ARHGAP19: variants seen among roughly 807,000 people sequenced by gnomAD.
ARHGAP19 encodes rho GTPase-activating protein 19.
ARHGAP19 carries 48 observed loss-of-function variants against 60.9 expected under a neutral mutation model. The ratio of observed to expected loss-of-function variants is 0.79; its 90% CI spans 0.62 to 1.00. The LOEUF (loss-of-function observed/expected upper bound fraction) is 1.00. Ranked by LOEUF, ARHGAP19 falls within the 50% of genes least tolerant of loss-of-function variation. The probability of loss-of-function intolerance (pLI) is 0.00; values close to 1 mark genes in which losing one functional copy is unlikely to be tolerated. For missense variants in ARHGAP19, 562 were observed against 597.2 expected, an observed-to-expected ratio of 0.94 and a Z score of 0.61; for synonymous variants, 209 against 215.5, an observed-to-expected ratio of 0.97 and a Z score of 0.27.
At chr10:97,292,237 G>T (rs997233973) in intron 1 of ARHGAP19, among the ~76,000 whole-genome samples, 2 of 152,252 alleles carry the variant, frequency 1.3e-5, no homozygotes, top group Admixed American at 6.5e-5. Flanking sequence ...CAACAGTGAG[G>T]AATTCGCTAA....
Position 97,244,123 on chromosome 10 carries a change from A to G in ARHGAP19, c.1030T>C (p.Ser344Pro). 1.9e-6 allele frequency: 3 copies of G among 1,613,692 alleles called. No homozygotes were observed. Among genetic ancestry groups the G allele is most frequent in the Non-Finnish European group, 2.5e-6 (3 of 1,179,870 alleles). ...LDLIASCHTK[S>P]FQLAKSQKRN... The stretch of plus-strand genomic sequence containing the variant: ...TTCTGAGACTTTGCCAGCTGAAAGG[A>G]CTTAGTATGACATGAAGCTATGAGG... Residue 344 changes from serine to proline, a missense_variant, in exon 8 of 12, where the codon TCC becomes CCC. Ser to Pro is a moderately conservative substitution (Grantham distance 74, BLOSUM62 -1). Transcript: ENST00000358531.
At position 97,223,573 on chromosome 10, in the gene ARHGAP19, A is replaced by C. The variant is rs951419912; in HGVS notation, c.*2549T>G. 6.6e-6 allele frequency: 1 copy of C among 152,220 alleles called. No homozygotes were observed. The highest frequency in any genetic ancestry group is 2.4e-5 in the African/African-American group (1 of 41,442). The allele number at this position is 152,220 out of a possible 1,614,324, so 9.4% of individuals were successfully genotyped here. On this transcript the variant is annotated 3_prime_UTR_variant, in exon 12 of 12. Coordinates refer to ENST00000358531, the MANE Select transcript of ARHGAP19 (RefSeq NM_032900.6). ...CCCATCACAGGTGACCCCAGAAAGA[A>C]ATGAAGTTGTAAAAGCCACAAGAAG... is the stretch of plus-strand genomic sequence containing the variant.
Position 97,270,371 on chromosome 10 carries a change from C to T in ARHGAP19, c.57-4246G>A, listed in dbSNP as rs139634379. 1.7e-4 allele frequency among the ~76,000 whole-genome samples: 26 copies of T among 152,254 alleles called. 1 individual carries two copies. The highest frequency in any genetic ancestry group is 1.4e-3 in the South Asian group (7 of 4,828). ...GATGAAAGATGGAAAAGAGTTACAG[C>T]GGGTTATTTTTCTTAAAGTTATTCC... On this transcript the variant is annotated intron_variant, in intron 1 of 11. Transcript: ENST00000358531.
chr10:97,285,067 G>A (rs939295737), intron 1 of ARHGAP19, among the ~76,000 whole-genome samples: 2 of 151,566 alleles, frequency 1.3e-5, no homozygotes, highest in Non-Finnish European at 2.9e-5. Context: ...GTTTCACCAT[G>A]CTGGCCAGGC....
intron 8 of ARHGAP19, among the ~76,000 whole-genome samples, chr10:97,238,239 TC>T (rs1180735228): frequency 3.9e-5 from 6 of 152,192 alleles, no homozygotes; most frequent in African/African-American, 1.2e-4. Context: ...GGGGTCTCGC[TC>T]TGTTGCCCAG....
chr10:97,284,409 C>T (rs905768290), intron 1 of ARHGAP19, among the ~76,000 whole-genome samples: 2 of 152,102 alleles, frequency 1.3e-5, no homozygotes, highest in Non-Finnish European at 2.9e-5. Context: ...AGGCGTGAGA[C>T]ACTCAGACCA....
chr10:97,246,085 T>C (rs549473179), intron 7 of ARHGAP19, among the ~76,000 whole-genome samples, 187 bp downstream of exon 7: 47 of 152,322 alleles, frequency 3.1e-4, no homozygotes, highest in African/African-American at 1.1e-3. Context: ...ATGTGGAGCA[T>C]TTGTATTCTA....
chr10:97,292,388 T>C (rs965891237), intron 1 of ARHGAP19, among the ~76,000 whole-genome samples, 184 bp downstream of exon 1: 3 of 152,290 alleles, frequency 2.0e-5, no homozygotes, highest in East Asian at 3.9e-4. Flanking sequence ...AGCGGGGGGT[T>C]TGGCTGGAGT....
intron 8 of ARHGAP19, among the ~76,000 whole-genome samples, chr10:97,243,540 T>C (rs1352108497): frequency 1.3e-5 from 2 of 152,220 alleles, no homozygotes; most frequent in African/African-American, 2.4e-5. Context: ...CCACTTAGAC[T>C]TTGCTATGCC....
chr10:97,277,742 G>A (rs945264402), intron 1 of ARHGAP19: 1 of 152,218 alleles, frequency 6.6e-6, no homozygotes, highest in African/African-American at 2.4e-5. Context: ...TGGTGAACAG[G>A]ACAGACTTCT....
intron 1 of ARHGAP19, among the ~76,000 whole-genome samples, chr10:97,283,850 AC>A (rs1259117325): frequency 6.7e-6 from 1 of 149,088 alleles, no homozygotes; most frequent in Non-Finnish European, 1.5e-5. Context: ...AAAAAAAAAA[AC>A]TGTCTCAATA....
chr10:97,261,409 A>G (rs982802961), intron 4 of ARHGAP19, among the ~76,000 whole-genome samples: 17 of 152,234 alleles, frequency 1.1e-4, no homozygotes, highest in African/African-American at 3.9e-4. Context: ...AAGAACAGTC[A>G]ATCACAGGGT....
rs186074550 is a variant in ARHGAP19, at chr10:97,226,597, T to G, written c.1475-465A>C. The stretch of plus-strand genomic sequence containing the variant: ...CACTCAATGTTTACTAAAAGCCGAC[T>G]CAGCACAAGGCACTGTCATTTTTCG... On this transcript the variant is annotated intron_variant, in intron 11 of 11. Transcript: ENST00000358531. Among the ~76,000 whole-genome samples the G allele has an allele frequency of 4.5e-3, 688 of 152,276 alleles. 1 individual carries two copies. Among genetic ancestry groups the G allele is most frequent in the Non-Finnish European group, 7.6e-3 (518 of 68,018 alleles).
Position 97,262,390 on chromosome 10 carries a change from G to C in ARHGAP19, c.613+1030C>G, listed in dbSNP as rs190171061. Among the ~76,000 whole-genome samples, 203 of 152,090 alleles carry C rather than the reference G, an allele frequency of 1.3e-3. 2 individuals carry two copies. The highest frequency in any genetic ancestry group is 4.7e-3 in the African/African-American group (196 of 41,506). ...TAAAAAAAATAAATTTCCTTGGCTG[G>C]GCACAGTGGCTCACATCTGTAATCC... is the stretch of plus-strand genomic sequence containing the variant. On this transcript the variant is annotated intron_variant, in intron 4 of 11. Transcript: ENST00000358531.
At chr10:97,240,817 G>A (rs897278524) in intron 8 of ARHGAP19, among the ~76,000 whole-genome samples, 20 of 152,028 alleles carry the variant, frequency 1.3e-4, no homozygotes, top group Admixed American at 2.6e-4. Context: ...TTAAGTAAAC[G>A]AAAACAATGT....
At chr10:97,246,539 C>T (rs757339660) in intron 6 of ARHGAP19, among the ~76,000 whole-genome samples, 12 of 152,150 alleles carry the variant, frequency 7.9e-5, no homozygotes, top group Non-Finnish European at 1.5e-4. Flanking sequence ...GATGGAAAAA[C>T]TGTGAGAAGA....
intron 1 of ARHGAP19, among the ~76,000 whole-genome samples, chr10:97,274,428 G>A (rs905084887): frequency 6.6e-6 from 1 of 151,348 alleles, no homozygotes; most frequent in Admixed American, 6.6e-5. Flanking sequence ...TTGCGCCACT[G>A]TACTCTAGCC....
At chr10:97,283,071 G>C (rs1376004328) in intron 1 of ARHGAP19, among the ~76,000 whole-genome samples, 1 of 151,084 alleles carries the variant, frequency 6.6e-6, no homozygotes, top group Non-Finnish European at 1.5e-5. Flanking sequence ...TTGAACTCCT[G>C]ACCTCAGGCA....
intron 7 of ARHGAP19, among the ~76,000 whole-genome samples, chr10:97,245,303 G>A (rs1484884896): frequency 6.6e-6 from 1 of 151,836 alleles, no homozygotes; most frequent in Non-Finnish European, 1.5e-5. Flanking sequence ...CACCACACTC[G>A]GCCATAACTT....
Sources: allele counts gnomAD v4.1 joint callset (sites outside exome capture counted in the v4.1 genomes callset), GRCh38; gene constraint gnomAD v4.1.1; transcripts MANE v1.5; gene names NCBI Gene and HGNC (gene_info 2026-07-23, HGNC 2026-07-21).